NAB1: variants seen among roughly 807,000 people sequenced by gnomAD.
NAB1 encodes NGFI-A binding protein 1, also known as NGFI-A-binding protein 1.
NAB1 carries 25 observed loss-of-function variants against 49.9 expected under a neutral mutation model. The ratio of observed to expected loss-of-function variants is 0.50; its 90% CI spans 0.37 to 0.70. The LOEUF (loss-of-function observed/expected upper bound fraction) is 0.70, where lower values mean the gene tolerates loss of function less well. NAB1 is among the 30% of genes least tolerant of loss of function. NAB1 has a pLI of 0.00. For missense variants in NAB1, 489 were observed against 575.9 expected, an observed-to-expected ratio of 0.85 and a Z score of 1.54; for synonymous variants, 198 against 215.6, an observed-to-expected ratio of 0.92 and a Z score of 0.71.
rs1695184247 is a variant in NAB1 at position 190,678,614 on chromosome 2, G to A, written c.1006-5124G>A. On this transcript the variant is annotated intron_variant, in intron 6 of 9. Coordinates refer to ENST00000337386, the MANE Select transcript of NAB1 (RefSeq NM_005966.4). The surrounding 1 kb of genome is among the most constrained non-coding windows in gnomAD (Gnocchi z 4.9). ...GAGGTTTGTTAATAGAGCCCAGGAA[G>A]TCAGAGAACTGGGGCTTGAAGAAGA... is the stretch of plus-strand genomic sequence containing the variant. 6.6e-6 allele frequency among the ~76,000 whole-genome samples: 1 copy of A among 151,464 alleles called. No individual in the cohort carries two copies. Among genetic ancestry groups the A allele is most frequent in the Admixed American group, 6.6e-5 (1 of 15,180 alleles).
Position 190,651,696 on chromosome 2 carries a change from A to G in NAB1, c.-197+1714A>G, listed in dbSNP as rs1366536756. On this transcript the variant is annotated intron_variant, in intron 2 of 9. Transcript: ENST00000337386. The surrounding 1 kb of genome is among the most constrained non-coding windows in gnomAD (Gnocchi z 4.3). The stretch of plus-strand genomic sequence containing the variant: ...CTTAGGACTCATTTATTCCATTATA[A>G]CAAGCCTGGAGCTGTTTTTTGTGAG... 6.6e-6 allele frequency among the ~76,000 whole-genome samples: 1 copy of G among 152,182 alleles called. No individual in the cohort carries two copies. The highest frequency in any genetic ancestry group is 1.5e-5 in the Non-Finnish European group (1 of 68,020).
rs939025136 is a variant in NAB1, at chr2:190,690,973, G to A, written c.*640G>A. ...ATATAACATCTGGTTATCAATGCAC[G>A]TTTACACAATAAATACTTGAGTGGA... On this transcript the variant is annotated 3_prime_UTR_variant, in exon 10 of 10. Transcript: ENST00000337386. The A allele has an allele frequency of 8.5e-5, 13 of 152,542 alleles. No individual in the cohort carries two copies. Among genetic ancestry groups the A allele is most frequent in the African/African-American group, 2.4e-4 (10 of 41,450 alleles). The allele number at this position is 152,542 out of a possible 1,614,324, so 9.4% of individuals were successfully genotyped here.
At chr2:190,688,435 T>C (rs1000973373) in intron 9 of NAB1, among the ~76,000 whole-genome samples, 3 of 152,218 alleles carry the variant, frequency 2.0e-5, no homozygotes, top group Non-Finnish European at 2.9e-5. Context: ...ATTGCATACT[T>C]GATTGTAGCC....
At chr2:190,653,395 G>A (rs531694844) in intron 2 of NAB1, among the ~76,000 whole-genome samples, 2 of 152,236 alleles carry the variant, frequency 1.3e-5, no homozygotes, top group South Asian at 2.1e-4. Flanking sequence ...CTCTTCCCAA[G>A]GTTTTTCACA....
Position 190,659,288 on chromosome 2 carries a change from GTCCAGCAAC to G in NAB1, c.115_123del (p.Gln39_Leu41del). 1 of 1,614,156 alleles carries G rather than the reference GTCCAGCAAC, an allele frequency of 6.2e-7. No homozygotes were observed. Among genetic ancestry groups the G allele is most frequent in the South Asian group, 1.1e-5 (1 of 91,086 alleles). ...CTTTATCCAACAAGGTGGTGATGAT[GTCCAGCAAC>G]TCTGTGAAGCAGGAGAAGAGGAGTT... On this transcript the variant is annotated inframe_deletion, in exon 4 of 10. Transcript: ENST00000337386. The surrounding 1 kb of genome is among the most constrained non-coding windows in gnomAD (Gnocchi z 6.2).
chr2:190,662,092 A>G lies in NAB1; in HGVS notation c.819+2097A>G, dbSNP rs146638935. On this transcript the variant is annotated intron_variant, in intron 4 of 9. Transcript: ENST00000337386. ...TACTCAATTTCCACATAAGGAATAC[A>G]TGACTTACTCTTAATTCATTGTTGG... is the stretch of plus-strand genomic sequence containing the variant. Among the ~76,000 whole-genome samples the G allele has an allele frequency of 6.8e-4, 103 of 152,344 alleles. 2 individuals are homozygous for G. In the East Asian group the frequency reaches 0.017, roughly 26 times the overall value.
In NAB1 at chr2:190,686,953, C is replaced by T. The variant is rs1343499130; in HGVS notation, c.1259-248C>T. Among the ~76,000 whole-genome samples, 3 of 152,206 alleles carry T rather than the reference C, an allele frequency of 2.0e-5. No individual in the cohort carries two copies. Among genetic ancestry groups the T allele is most frequent in the Non-Finnish European group, 4.4e-5 (3 of 68,006 alleles). ...CAAAACTGGAATGCTCACAGGAATT[C>T]TCAGTCTTTTGTTTAGCTCTTAAAA... On this transcript the variant is annotated intron_variant, in intron 8 of 9. Coordinates refer to ENST00000337386, the MANE Select transcript of NAB1 (RefSeq NM_005966.4). The surrounding 1 kb of genome is among the most constrained non-coding windows in gnomAD (Gnocchi z 5.5).
At chr2:190,672,234 C>A (rs1369618425) in intron 5 of NAB1, among the ~76,000 whole-genome samples, 1 of 152,096 alleles carries the variant, frequency 6.6e-6, no homozygotes, top group Non-Finnish European at 1.5e-5. Context: ...CTATTGATGG[C>A]TACTGGGGTT....
Position 190,663,378 on chromosome 2 carries a change from AT to A in NAB1, c.819+3384del, listed in dbSNP as rs1694322301. Among the ~76,000 whole-genome samples the A allele has an allele frequency of 6.6e-6, 1 of 152,108 alleles. No homozygotes were observed. The highest frequency in any genetic ancestry group is 1.5e-5 in the Non-Finnish European group (1 of 68,024). Reference sequence around the variant, plus strand: ...TTGCCAATTTTATTCTTTTTTAGAGATCTGCAAACTAGGGTCTGTGTGCCCA... The same window carrying A: ...TTGCCAATTTTATTCTTTTTTAGAGACTGCAAACTAGGGTCTGTGTGCCCA... On this transcript the variant is annotated intron_variant, in intron 4 of 9. Coordinates refer to ENST00000337386, the MANE Select transcript of NAB1 (RefSeq NM_005966.4). The surrounding 1 kb of genome is among the most constrained non-coding windows in gnomAD (Gnocchi z 4.2).
At chr2:190,668,774 C>A (rs1477808743) in intron 4 of NAB1, among the ~76,000 whole-genome samples, 3 of 152,066 alleles carry the variant, frequency 2.0e-5, no homozygotes, top group Non-Finnish European at 2.9e-5. Context: ...GAAAGGGTGA[C>A]TACAGTAGTC....
In NAB1 at chr2:190,682,415, G is replaced by A. The variant is rs960245305; in HGVS notation, c.1006-1323G>A. Among the ~76,000 whole-genome samples the A allele has an allele frequency of 2.0e-5, 3 of 152,146 alleles. No homozygotes were observed. ...GGTGACAGGCCTTTCGAATTCCAAAGCTCCATTTCCTGTCATAGGTTATGA... is the reference window on the plus strand; with the variant it reads ...GGTGACAGGCCTTTCGAATTCCAAAACTCCATTTCCTGTCATAGGTTATGA... On this transcript the variant is annotated intron_variant, in intron 6 of 9. Coordinates refer to ENST00000337386, the MANE Select transcript of NAB1 (RefSeq NM_005966.4). The surrounding 1 kb of genome is among the most constrained non-coding windows in gnomAD (Gnocchi z 4.1).
intron 4 of NAB1, among the ~76,000 whole-genome samples, chr2:190,664,586 C>CTTTTTTTTTTT (rs71027237): frequency 2.9e-4 from 18 of 61,092 alleles, no homozygotes; most frequent in East Asian, 5.3e-4. Flanking sequence ...TTCTTCTTTC[C>CTTTTTTTTTTT]TTTTTTTTTT....
Position 190,649,681 on chromosome 2 carries a change from T to TGGGGGGGTCACACGGCG in NAB1, c.-333-165_-333-164insGGGGGGGTCACACGGCG, listed in dbSNP as rs1559219029. The TGGGGGGGTCACACGGCG allele has an allele frequency of 2.7e-5, 4 of 147,476 alleles. No individual in the cohort carries two copies. The highest frequency in any genetic ancestry group is 3.4e-3 in the Middle Eastern group (1 of 290). The allele number at this position is 147,476 out of a possible 1,614,324, so 9.1% of individuals were successfully genotyped here. A position where few individuals can be genotyped will look rare whatever the true frequency, so the allele number is the denominator to read the frequency against. On this transcript the variant is annotated intron_variant, in intron 1 of 9. Coordinates refer to ENST00000337386, the MANE Select transcript of NAB1 (RefSeq NM_005966.4). The surrounding 1 kb of genome is among the most constrained non-coding windows in gnomAD (Gnocchi z 6.1). Reference sequence around the variant, plus strand: ...CGGGGCTGGGGGCGTCACACGGCGCTCTGGGGGTGTGCGATGTGGGTTGTG... The same window carrying TGGGGGGGTCACACGGCG: ...CGGGGCTGGGGGCGTCACACGGCGCTGGGGGGGTCACACGGCGCTGGGGGTGTGCGATGTGGGTTGTG...
chr2:190,689,734 T>TA lies in NAB1; in HGVS notation c.1376-510dup, dbSNP rs1275870784. Among the ~76,000 whole-genome samples the TA allele has an allele frequency of 1.3e-5, 2 of 152,112 alleles. No individual in the cohort carries two copies. The highest frequency in any genetic ancestry group is 4.8e-5 in the African/African-American group (2 of 41,436). On this transcript the variant is annotated intron_variant, in intron 9 of 9. Transcript: ENST00000337386. This position sits in a 1 kb window ranked among gnomAD's most constrained non-coding sequence, Gnocchi z 4.3. ...TCATTGTCGGAAGAACTTTAAAAAA[T>TA]AGTTCCAAGGTTATGAAGATATTTT...
chr2:190,665,033 A>G (rs1694442220), intron 4 of NAB1, among the ~76,000 whole-genome samples: 1 of 152,142 alleles, frequency 6.6e-6, no homozygotes, highest in South Asian at 2.1e-4. Context: ...ATGAAGGCCT[A>G]CTGGTGGCAA....
At chr2:190,672,671 C>T (rs1424371183) in intron 5 of NAB1, among the ~76,000 whole-genome samples, 1 of 151,824 alleles carries the variant, frequency 6.6e-6, no homozygotes, top group African/African-American at 2.4e-5. Context: ...ATGTGATGAT[C>T]ATTAAATATT....
At position 190,683,774 on chromosome 2, in the gene NAB1, C is replaced by G; in HGVS notation, c.1042C>G (p.Leu348Val). The change falls in exon 7 of 10, where the codon CTC becomes GTC. Residue 348 changes from leucine to valine, a missense_variant. Leu to Val is a conservative substitution (Grantham distance 32). Transcript: ENST00000337386. Reference sequence around the variant, plus strand: ...AGATTTCCAGGATTCTGTGCAAACACTCTTCCAGCAGGCTAGAGCTAAGAG... The same window carrying G: ...AGATTTCCAGGATTCTGTGCAAACAGTCTTCCAGCAGGCTAGAGCTAAGAG... ...FPDFQDSVQT[L>V]FQQARAKSEE... The G allele has an allele frequency of 1.2e-6, 2 of 1,613,834 alleles. No homozygotes were observed. Among genetic ancestry groups the G allele is most frequent in the Non-Finnish European group, 1.7e-6 (2 of 1,179,920 alleles).
chr2:190,661,652 T>G (rs1694234040), intron 4 of NAB1, among the ~76,000 whole-genome samples: 1 of 152,168 alleles, frequency 6.6e-6, no homozygotes, highest in Non-Finnish European at 1.5e-5. Flanking sequence ...CTTTGCCTCT[T>G]TAGATAAGTA....
In NAB1 at chr2:190,682,601, C is replaced by CA. The variant is rs1434075970; in HGVS notation, c.1006-1134dup. 6.6e-6 allele frequency among the ~76,000 whole-genome samples: 1 copy of CA among 152,120 alleles called. No homozygotes were observed. Among genetic ancestry groups the CA allele is most frequent in the African/African-American group, 2.4e-5 (1 of 41,422 alleles). On this transcript the variant is annotated intron_variant, in intron 6 of 9. Coordinates refer to ENST00000337386, the MANE Select transcript of NAB1 (RefSeq NM_005966.4). The surrounding 1 kb of genome is among the most constrained non-coding windows in gnomAD (Gnocchi z 4.1). ...AGAGGGTTAAATTTAAAAAACAAAT[C>CA]AAACTTTTAGAAAAATTAGAGGGTA... is the stretch of plus-strand genomic sequence containing the variant.
Sources: allele counts gnomAD v4.1 joint callset (sites outside exome capture counted in the v4.1 genomes callset), GRCh38; gene constraint gnomAD v4.1.1; non-coding constraint Gnocchi (gnomAD v3.1); transcripts MANE v1.5; gene names NCBI Gene and HGNC (gene_info 2026-07-23, HGNC 2026-07-21).